ARHGAP22: variants seen among roughly 807,000 people sequenced by gnomAD.
The protein encoded by ARHGAP22 is rho GTPase-activating protein 22.
A neutral mutation model predicts 59.1 loss-of-function variants in ARHGAP22; 48 were observed. The ratio of observed to expected loss-of-function variants is 0.81; its 90% CI spans 0.64 to 1.03. The LOEUF (loss-of-function observed/expected upper bound fraction) is 1.03. ARHGAP22 is among the 50% of genes least tolerant of loss of function. The probability of loss-of-function intolerance (pLI) is 0.00; values close to 1 mark genes in which losing one functional copy is unlikely to be tolerated. For synonymous variants in ARHGAP22, 445 were observed against 416.4 expected (o/e 1.07, Z -0.84); for missense variants, 1,015 against 958.7 (o/e 1.06, Z -0.78).
chr10:48,491,859 C>T (rs961198595), intron 3 of ARHGAP22, among the ~76,000 whole-genome samples: 2 of 152,214 alleles, frequency 1.3e-5, no homozygotes, highest in African/African-American at 4.8e-5. Flanking sequence ...TGTGTATGTA[C>T]CAGGGAACTA....
At chr10:48,582,331 T>A (rs2059167343) in intron 2 of ARHGAP22, among the ~76,000 whole-genome samples, 1 of 152,252 alleles carries the variant, frequency 6.6e-6, no homozygotes, top group Admixed American at 6.5e-5. Context: ...CAAGTGCTTC[T>A]GGCCCAGGTG....
chr10:48,628,282 T>C (rs909575030), intron 1 of ARHGAP22, among the ~76,000 whole-genome samples: 2 of 152,232 alleles, frequency 1.3e-5, no homozygotes, highest in African/African-American at 4.8e-5. Flanking sequence ...GCAGTTAACA[T>C]TTGCTGAGCA....
intron 2 of ARHGAP22, among the ~76,000 whole-genome samples, chr10:48,577,122 T>C (rs1315540071): frequency 1.3e-5 from 2 of 152,208 alleles, no homozygotes; most frequent in Non-Finnish European, 2.9e-5. Flanking sequence ...TGTCCTCTTC[T>C]TCCTAGAAGT....
At chr10:48,435,059 T>TTGTTTG in the ARHGAP22 span, 4 of 448,002 alleles carry the variant, frequency 8.9e-6, no homozygotes, top group African/African-American at 2.2e-5. Flanking sequence ...GTGGGAGGGA[T>TTGTTTG]GGGGAGTCGG....
intron 3 of ARHGAP22, among the ~76,000 whole-genome samples, chr10:48,543,171 G>A (rs1264015560): frequency 6.6e-6 from 1 of 152,170 alleles, no homozygotes; most frequent in Non-Finnish European, 1.5e-5. Flanking sequence ...CTAGCCCTAG[G>A]CCCGCACAGA....
At chr10:48,584,062 C>T (rs1432991571) in intron 1 of ARHGAP22, among the ~76,000 whole-genome samples, 1 of 152,168 alleles carries the variant, frequency 6.6e-6, no homozygotes, top group Non-Finnish European at 1.5e-5. Flanking sequence ...TCTCTCTGGC[C>T]AGTGTCAAGG....
Position 48,450,693 on chromosome 10 carries a change from C to A in ARHGAP22, c.1436G>T (p.Arg479Leu). 1.3e-6 allele frequency: 2 copies of A among 1,551,884 alleles called. No homozygotes were observed. Among genetic ancestry groups the A allele is most frequent in the Non-Finnish European group, 1.7e-6 (2 of 1,147,884 alleles). Residue 479 changes from arginine to leucine, a missense_variant, in exon 9 of 10, where the codon CGG becomes CTG. Coordinates refer to ENST00000249601, the MANE Select transcript of ARHGAP22 (RefSeq NM_021226.4). ...CTGCACGGAGCCCGAGTCCTTGAGC[C>A]GGTCTCCCGACGAGGCCCGGCGGTG... ...RGHRRASSGD[R>L]LKDSGSVQRL...
intron 1 of ARHGAP22, among the ~76,000 whole-genome samples, chr10:48,631,632 G>A (rs1412671642): frequency 6.6e-6 from 1 of 152,090 alleles, no homozygotes; most frequent in East Asian, 1.9e-4. Flanking sequence ...AATAGTACAG[G>A]TTCCTTATAT....
At chr10:48,454,212 G>T in intron 6 of ARHGAP22, 51 bp from the exon 7 acceptor site, 2 of 1,498,168 alleles carry the variant, frequency 1.3e-6, no homozygotes, top group Non-Finnish European at 1.9e-6. Context: ...GGCCCTGACT[G>T]TTCTCTGACT....
chr10:48,652,156 C>T (rs1301722747), intron 1 of ARHGAP22: 1 of 1,375,004 alleles, frequency 7.3e-7, no homozygotes, highest in African/African-American at 1.4e-5. Context: ...AAGACAGCCT[C>T]CGGGGACCCC....
intron 1 of ARHGAP22, among the ~76,000 whole-genome samples, chr10:48,614,103 C>T (rs997317333): frequency 6.6e-6 from 1 of 152,200 alleles, no homozygotes; most frequent in African/African-American, 2.4e-5. Flanking sequence ...ATAAATTACT[C>T]AGTCTGTGGT....
intron 3 of ARHGAP22, among the ~76,000 whole-genome samples, chr10:48,509,777 G>T (rs1272226685): frequency 6.6e-6 from 1 of 152,198 alleles, no homozygotes; most frequent in Non-Finnish European, 1.5e-5. Flanking sequence ...TGCTACTCCG[G>T]ATTTCCAGGG....
At chr10:48,539,318 G>A (rs1265573065) in intron 3 of ARHGAP22, among the ~76,000 whole-genome samples, 4 of 96,298 alleles carry the variant, frequency 4.2e-5, no homozygotes, top group African/African-American at 8.9e-5. Context: ...TTGAGACGGA[G>A]TCTCGCTCTG....
chr10:48,494,408 G>C (rs987521878), intron 3 of ARHGAP22, among the ~76,000 whole-genome samples: 1 of 152,182 alleles, frequency 6.6e-6, no homozygotes, highest in African/African-American at 2.4e-5. Context: ...GTGGTTTCAG[G>C]AGCTCACACC....
chr10:48,554,214 C>T (rs939319756), intron 3 of ARHGAP22, among the ~76,000 whole-genome samples: 2 of 152,156 alleles, frequency 1.3e-5, no homozygotes, highest in African/African-American at 4.8e-5. Flanking sequence ...TTGCCTGTGC[C>T]CCTGCGAACT....
intron 2 of ARHGAP22, among the ~76,000 whole-genome samples, chr10:48,560,948 T>G (rs933021201): frequency 2.6e-5 from 4 of 152,138 alleles, no homozygotes; most frequent in African/African-American, 9.6e-5. Flanking sequence ...AGAATATTGA[T>G]CTATAGTGTC....
At chr10:48,523,365 A>G (rs1224054773) in intron 3 of ARHGAP22, among the ~76,000 whole-genome samples, 2 of 152,230 alleles carry the variant, frequency 1.3e-5, no homozygotes, top group Admixed American at 6.5e-5. Flanking sequence ...TATGTTCCCA[A>G]CGATCAACAG....
chr10:48,570,696 G>C (rs1221507850), intron 2 of ARHGAP22, among the ~76,000 whole-genome samples: 3 of 152,134 alleles, frequency 2.0e-5, no homozygotes, highest in African/African-American at 7.2e-5. Flanking sequence ...GACTCTTCAG[G>C]GCTTCTCAGG....
intron 1 of ARHGAP22, among the ~76,000 whole-genome samples, chr10:48,623,163 G>T (rs76406647): frequency 0.033 from 5,089 of 152,304 alleles, 140 homozygotes; most frequent in Non-Finnish European, 0.054. Flanking sequence ...TTGTTCTCCA[G>T]TGAGGAGCTT....
Sources: allele counts gnomAD v4.1 joint callset (sites outside exome capture counted in the v4.1 genomes callset), GRCh38; gene constraint gnomAD v4.1.1; transcripts MANE v1.5; gene names NCBI Gene and HGNC (gene_info 2026-07-23, HGNC 2026-07-21).